Variants in PEX5L observed in about 807,000 individuals in gnomAD.
The protein encoded by PEX5L is PEX5-related protein.
A neutral mutation model predicts 84.0 loss-of-function variants in PEX5L; 30 were observed. That is an observed-to-expected ratio of 0.36 (90% confidence interval 0.27 to 0.48). The LOEUF (loss-of-function observed/expected upper bound fraction) is 0.48. Ranked by LOEUF, PEX5L falls within the 20% of genes least tolerant of loss-of-function variation. PEX5L has a pLI of 0.99. For missense variants in PEX5L, 533 were observed against 754.6 expected (o/e 0.71, Z 3.44); for synonymous variants, 270 against 283.1 (o/e 0.95, Z 0.46).
intron 3 of PEX5L, among the ~76,000 whole-genome samples, chr3:179,889,967 T>C (rs1757100070): frequency 6.6e-6 from 1 of 152,176 alleles, no homozygotes; most frequent in African/African-American, 2.4e-5. Flanking sequence ...ATGAAATAGC[T>C]AAACATCAGT....
rs2108577755 is a variant in PEX5L at position 179,795,274 on chromosome 3, A to C, written c.*6554T>G. On this transcript the variant is annotated 3_prime_UTR_variant, in exon 15 of 15. Transcript: ENST00000467460. ...CAAAGTTTATTTGAAAACATAGTTT[A>C]AAATTGCACAAATATAAATACAATT... 6.6e-6 allele frequency: 1 copy of C among 152,356 alleles called. No individual in the cohort carries two copies. The highest frequency in any genetic ancestry group is 3.4e-3 in the Middle Eastern group (1 of 294). 9.4% of individuals were successfully genotyped at this position (152,356 alleles called of 1,614,324 possible). A position where few individuals can be genotyped will look rare whatever the true frequency, so the allele number is the denominator to read the frequency against.
Position 179,886,681 on chromosome 3 carries a change from C to T in PEX5L, c.310+992G>A, listed in dbSNP as rs946819632. On this transcript the variant is annotated intron_variant, in intron 4 of 14. Transcript: ENST00000467460. ...CCAGAAACTGTAAAATATGACCTCA[C>T]ATAACAAGCCTGTCTATCTCATGCT... is the stretch of plus-strand genomic sequence containing the variant. Among the ~76,000 whole-genome samples, 5 of 152,154 alleles carry T rather than the reference C, an allele frequency of 3.3e-5. No individual in the cohort carries two copies. In the East Asian group the frequency reaches 5.8e-4, roughly 18 times the overall value.
chr3:179,968,697 C>CTGTG (rs67094806), intron 2 of PEX5L, among the ~76,000 whole-genome samples: 1,771 of 143,972 alleles, frequency 0.012, 28 homozygotes, highest in South Asian at 0.073. Flanking sequence ...ATTTAAATGA[C>CTGTG]TGTGTGTGTG....
chr3:179,853,802 C>G (rs532266990), intron 8 of PEX5L, among the ~76,000 whole-genome samples: 1 of 151,354 alleles, frequency 6.6e-6, no homozygotes, highest in East Asian at 2.0e-4. Context: ...TCTTCCTCTT[C>G]TTCTTCTTAT....
intron 2 of PEX5L, among the ~76,000 whole-genome samples, chr3:179,935,589 T>A (rs535590770): frequency 3.9e-5 from 6 of 152,342 alleles, no homozygotes; most frequent in African/African-American, 1.2e-4. Context: ...GAGAAATACA[T>A]GTTTTTTAGA....
intron 8 of PEX5L, among the ~76,000 whole-genome samples, chr3:179,833,848 A>T (rs1734008222): frequency 1.3e-5 from 2 of 152,000 alleles, no homozygotes; most frequent in African/African-American, 2.4e-5. Context: ...ACATTTATAA[A>T]TTTTTTACTT....
chr3:179,885,014 C>G (rs943920759), intron 4 of PEX5L, among the ~76,000 whole-genome samples: 1 of 27,212 alleles, frequency 3.7e-5, no homozygotes, highest in African/African-American at 1.3e-4. Flanking sequence ...AGATTTCTTA[C>G]GAATTAAAAA....
rs561658531 is a variant in PEX5L, at chr3:180,036,831, G to A, written c.-232C>T. The A allele has an allele frequency of 7.3e-4, 417 of 569,982 alleles. 4 individuals are homozygous for A. The highest frequency in any genetic ancestry group is 6.6e-3 in the South Asian group (314 of 47,916). 35.3% of individuals were successfully genotyped at this position (569,982 alleles called of 1,614,324 possible). ...GAAAGCGGACGCGGGAGAGCGCGCA[G>A]AGAAGGCGAGGAGCCGGGTCGGCCA... On this transcript the variant is annotated 5_prime_UTR_variant, in exon 1 of 15. Transcript: ENST00000467460.
At chr3:179,915,757 C>T (rs112300956) in intron 2 of PEX5L, among the ~76,000 whole-genome samples, 1 of 152,152 alleles carries the variant, frequency 6.6e-6, no homozygotes, top group Non-Finnish European at 1.5e-5. Flanking sequence ...AGGAATAGAG[C>T]ACTTCTTTAT....
At chr3:179,810,718 G>T (rs948099539) in intron 11 of PEX5L, among the ~76,000 whole-genome samples, 21 of 152,120 alleles carry the variant, frequency 1.4e-4, no homozygotes, top group Non-Finnish European at 1.5e-5. Context: ...ATCAGCACTG[G>T]GTAGAGAGGT....
intron 1 of PEX5L, among the ~76,000 whole-genome samples, chr3:180,034,652 C>T (rs1361809563): frequency 3.3e-5 from 5 of 152,066 alleles, no homozygotes; most frequent in Non-Finnish European, 7.4e-5. Context: ...AAGTTTTATG[C>T]TTAACATTAA....
chr3:179,948,460 A>G (rs1778196897), intron 2 of PEX5L, among the ~76,000 whole-genome samples: 1 of 152,216 alleles, frequency 6.6e-6, no homozygotes, highest in African/African-American at 2.4e-5. Flanking sequence ...GAAAATTAGA[A>G]TTTGGAAGTG....
chr3:179,920,801 T>C (rs1769088511), intron 2 of PEX5L, among the ~76,000 whole-genome samples: 1 of 152,184 alleles, frequency 6.6e-6, no homozygotes, highest in Non-Finnish European at 1.5e-5. Context: ...ACTTAATAAA[T>C]GCTCGGAAAG....
At chr3:179,854,650 T>C (rs372270605) in intron 8 of PEX5L, among the ~76,000 whole-genome samples, 1 of 152,112 alleles carries the variant, frequency 6.6e-6, no homozygotes, top group Middle Eastern at 3.2e-3. Flanking sequence ...CAACAATAGA[T>C]AGATGAAAAA....
chr3:180,002,980 C>G (rs556896049), intron 1 of PEX5L, among the ~76,000 whole-genome samples: 3 of 152,158 alleles, frequency 2.0e-5, no homozygotes, highest in African/African-American at 7.2e-5. Flanking sequence ...CACATAAATT[C>G]TCATTTCACA....
chr3:179,827,443 T>G (rs1730952067), intron 8 of PEX5L, among the ~76,000 whole-genome samples: 1 of 152,202 alleles, frequency 6.6e-6, no homozygotes, highest in Non-Finnish European at 1.5e-5. Context: ...TGCCTTCAGA[T>G]GATTCCAGCC....
intron 2 of PEX5L, among the ~76,000 whole-genome samples, chr3:179,934,742 C>G (rs1774120863): frequency 6.6e-6 from 1 of 152,074 alleles, no homozygotes; most frequent in African/African-American, 2.4e-5. Context: ...TGGGTTTTTG[C>G]TGAACACACA....
In PEX5L at chr3:180,001,821, C is replaced by A. The variant is rs116700153; in HGVS notation, c.22-30156G>T. Among the ~76,000 whole-genome samples the A allele has an allele frequency of 3.9e-3, 601 of 152,186 alleles. 7 individuals are homozygous for A. The highest frequency in any genetic ancestry group is 0.013 in the African/African-American group (554 of 41,530). The stretch of plus-strand genomic sequence containing the variant: ...TTCCTGCTTCCCAGTACATTTACAT[C>A]ATCAAATACACACTTATCCATCCAT... On this transcript the variant is annotated intron_variant, in intron 1 of 14. Transcript: ENST00000467460.
At chr3:179,838,265 G>C (rs1048477601) in intron 8 of PEX5L, among the ~76,000 whole-genome samples, 8 of 152,192 alleles carry the variant, frequency 5.3e-5, no homozygotes, top group African/African-American at 1.9e-4. Flanking sequence ...ATTAAAAACA[G>C]GTAAAAATCA....
Sources: allele counts gnomAD v4.1 joint callset (sites outside exome capture counted in the v4.1 genomes callset), GRCh38; gene constraint gnomAD v4.1.1; transcripts MANE v1.5; gene names NCBI Gene and HGNC (gene_info 2026-07-23, HGNC 2026-07-21).